PARD3: variants seen among roughly 807,000 people sequenced by gnomAD.
PARD3 encodes the protein par-3 family cell polarity regulator.
PARD3 carries 75 observed loss-of-function variants against 155.4 expected under a neutral mutation model. The observed-to-expected ratio is 0.48, with a 90% CI of 0.40 to 0.58. The LOEUF (loss-of-function observed/expected upper bound fraction) is 0.58, where lower values mean the gene tolerates loss of function less well. PARD3 is among the 20% of genes least tolerant of loss of function. The probability of loss-of-function intolerance (pLI) is 0.00; values close to 1 mark genes in which losing one functional copy is unlikely to be tolerated. For synonymous variants in PARD3, 576 were observed against 610.5 expected (o/e 0.94, Z 0.83); for missense variants, 1,642 against 1,721.7 (o/e 0.95, Z 0.82).
At chr10:34,298,853 T>C (rs1467715727) in intron 20 of PARD3, among the ~76,000 whole-genome samples, 1 of 152,220 alleles carries the variant, frequency 6.6e-6, no homozygotes, top group Admixed American at 6.5e-5. Flanking sequence ...GGCGACCATA[T>C]GATCTTTGGA....
chr10:34,665,805 T>TGGAG (rs1177193759), intron 2 of PARD3, among the ~76,000 whole-genome samples: 1 of 146,574 alleles, frequency 6.8e-6, no homozygotes, highest in Non-Finnish European at 1.5e-5. Context: ...GCCACTGCAC[T>TGGAG]CCAGCCTGGG....
At chr10:34,651,486 G>A (rs1243926496) in intron 2 of PARD3, among the ~76,000 whole-genome samples, 1 of 152,230 alleles carries the variant, frequency 6.6e-6, no homozygotes, top group Non-Finnish European at 1.5e-5. Flanking sequence ...CCCCTAGACA[G>A]AGACTACTGC....
At chr10:34,217,312 G>C (rs1466300479) in intron 22 of PARD3, among the ~76,000 whole-genome samples, 1 of 152,112 alleles carries the variant, frequency 6.6e-6, no homozygotes, top group East Asian at 1.9e-4. Flanking sequence ...TTAAATATCT[G>C]ATACTGCTCA....
At chr10:34,678,615 A>C (rs1316527971) in intron 2 of PARD3, among the ~76,000 whole-genome samples, 1 of 152,192 alleles carries the variant, frequency 6.6e-6, no homozygotes, top group Admixed American at 6.5e-5. Context: ...AGCATACAGT[A>C]ATTTAAACCC....
intron 10 of PARD3, among the ~76,000 whole-genome samples, 172 bp downstream of exon 10, chr10:34,377,795 A>T (rs77848643): frequency 8.4e-4 from 128 of 152,222 alleles, no homozygotes; most frequent in African/African-American, 2.8e-3. Flanking sequence ...AATATATATA[A>T]AAAATAACAT....
rs547323716 is a variant in PARD3, at chr10:34,582,341, T to C, written c.223-65182A>G. 3.3e-5 allele frequency among the ~76,000 whole-genome samples: 5 copies of C among 152,316 alleles called. No individual in the cohort carries two copies. In the South Asian group the frequency reaches 8.3e-4, roughly 25 times the overall value. Reference sequence around the variant, plus strand: ...GAAAAGAATTCACATAGAAAGCTATTCTAGCACCACACTGCTTATATTTCC... The same window carrying C: ...GAAAAGAATTCACATAGAAAGCTATCCTAGCACCACACTGCTTATATTTCC... On this transcript the variant is annotated intron_variant, in intron 2 of 24. Coordinates refer to ENST00000374788, the MANE Select transcript of PARD3 (RefSeq NM_001184785.2).
At chr10:34,740,067 A>G (rs1265031365) in intron 1 of PARD3, among the ~76,000 whole-genome samples, 1 of 152,188 alleles carries the variant, frequency 6.6e-6, no homozygotes, top group Non-Finnish European at 1.5e-5. Flanking sequence ...CTTGAGCTGG[A>G]GAGAGAGAAA....
intron 22 of PARD3, among the ~76,000 whole-genome samples, chr10:34,232,289 T>C (rs1296676380): frequency 3.9e-5 from 6 of 152,124 alleles, no homozygotes; most frequent in Admixed American, 3.9e-4. Flanking sequence ...TGACCCTATC[T>C]ATTTGGTAAA....
rs528555661 is a variant in PARD3 at position 34,144,664 on chromosome 10, C to A, written c.3420-13081G>T. Among the ~76,000 whole-genome samples, 27 of 152,292 alleles carry A rather than the reference C, an allele frequency of 1.8e-4. No individual in the cohort carries two copies. In the South Asian group the frequency reaches 3.1e-3, roughly 18 times the overall value. ...TACTGTTAAACACACCTGTTGACTT[C>A]CTACAAAGGTAGATGAAGCATTAGC... is the stretch of plus-strand genomic sequence containing the variant. On this transcript the variant is annotated intron_variant, in intron 22 of 24. Coordinates refer to ENST00000374788, the MANE Select transcript of PARD3 (RefSeq NM_001184785.2).
intron 5 of PARD3, among the ~76,000 whole-genome samples, chr10:34,417,569 T>C (rs957372068): frequency 6.6e-6 from 1 of 152,230 alleles, no homozygotes; most frequent in Non-Finnish European, 1.5e-5. Context: ...ATGGATTAAT[T>C]ATTTTCAAAA....
chr10:34,277,900 A>G (rs916305307), intron 21 of PARD3, among the ~76,000 whole-genome samples: 1 of 152,128 alleles, frequency 6.6e-6, no homozygotes, highest in South Asian at 2.1e-4. Flanking sequence ...GAATTTTTCT[A>G]GTTTGCTAAA....
Position 34,610,318 on chromosome 10 carries a change from C to T in PARD3, c.222+86000G>A, listed in dbSNP as rs547108001. Among the ~76,000 whole-genome samples, 16 of 152,258 alleles carry T rather than the reference C, an allele frequency of 1.1e-4. No homozygotes were observed. In the South Asian group the frequency reaches 3.3e-3, roughly 32 times the overall value. On this transcript the variant is annotated intron_variant, in intron 2 of 24. Coordinates refer to ENST00000374788, the MANE Select transcript of PARD3 (RefSeq NM_001184785.2). ...CTTGATTAGGAGGCCACCGATACAGCTATTATCATAAGAAATGCTCTGATA... is the reference window on the plus strand; with the variant it reads ...CTTGATTAGGAGGCCACCGATACAGTTATTATCATAAGAAATGCTCTGATA...
chr10:34,633,758 T>C (rs560814684), intron 2 of PARD3, among the ~76,000 whole-genome samples: 1 of 152,344 alleles, frequency 6.6e-6, no homozygotes, highest in Non-Finnish European at 1.5e-5. Context: ...TTCCATGCTG[T>C]TTTCCATAAT....
At chr10:34,300,081 A>G (rs1210233310) in intron 20 of PARD3, among the ~76,000 whole-genome samples, 1 of 152,238 alleles carries the variant, frequency 6.6e-6, no homozygotes, top group African/African-American at 2.4e-5. Context: ...ATGTACAAAT[A>G]AAAAGTTCAC....
chr10:34,344,969 G>A (rs1837250611), intron 15 of PARD3: 6 of 985,232 alleles, frequency 6.1e-6, no homozygotes, highest in Middle Eastern at 5.2e-4. Context: ...TTTGAAGGCT[G>A]CTTTCAAAGA....
intron 2 of PARD3, among the ~76,000 whole-genome samples, chr10:34,528,033 T>C (rs1297168365): frequency 3.3e-5 from 5 of 152,206 alleles, no homozygotes; most frequent in Non-Finnish European, 7.3e-5. Flanking sequence ...TTTTATCAAC[T>C]CTTCATTAGT....
chr10:34,137,357 C>T (rs750219556), intron 22 of PARD3, among the ~76,000 whole-genome samples: 9 of 152,108 alleles, frequency 5.9e-5, no homozygotes, highest in African/African-American at 9.7e-5. Context: ...TCAACAATGA[C>T]GGAAGCAGGG....
chr10:34,267,318 T>C (rs896521919), intron 22 of PARD3, among the ~76,000 whole-genome samples: 2 of 152,176 alleles, frequency 1.3e-5, no homozygotes, highest in Admixed American at 1.3e-4. Context: ...CTGATAATAA[T>C]TGTATTCTTT....
chr10:34,814,525 G>T (rs999510140), intron 1 of PARD3, among the ~76,000 whole-genome samples: 3 of 152,120 alleles, frequency 2.0e-5, no homozygotes, highest in African/African-American at 7.2e-5. Flanking sequence ...TGCGCCCCCC[G>T]CGCGCTGGCT....
Sources: allele counts gnomAD v4.1 joint callset (sites outside exome capture counted in the v4.1 genomes callset), GRCh38; gene constraint gnomAD v4.1.1; transcripts MANE v1.5; gene names NCBI Gene and HGNC (gene_info 2026-07-23, HGNC 2026-07-21).